ARL15: variants seen among roughly 807,000 people sequenced by gnomAD.
ARL15 encodes the protein ADP-ribosylation factor-like protein 15.
Under a neutral mutation model 25.2 loss-of-function variants are expected in ARL15, and 19 were observed. The ratio of observed to expected loss-of-function variants is 0.75; its 90% CI spans 0.53 to 1.10. The LOEUF is 1.10. Among genes scored for constraint, ARL15 ranks in the 50% least tolerant of loss-of-function variants. ARL15 has a pLI of 0.00. For synonymous variants in ARL15, 94 were observed against 86.8 expected (o/e 1.08, Z -0.46); for missense variants, 220 against 246.0 (o/e 0.89, Z 0.71).
intron 4 of ARL15, among the ~76,000 whole-genome samples, chr5:54,000,827 T>G (rs1222902979): frequency 2.0e-5 from 3 of 152,166 alleles, no homozygotes; most frequent in Non-Finnish European, 4.4e-5. Context: ...AAAAAAGGTT[T>G]AGTGCTGACA....
At chr5:54,057,812 C>T (rs1317120681) in intron 4 of ARL15, among the ~76,000 whole-genome samples, 5 of 152,004 alleles carry the variant, frequency 3.3e-5, no homozygotes, top group Admixed American at 6.5e-5. Flanking sequence ...TTGCACCTCT[C>T]GACTTCACTC....
chr5:54,183,202 G>A (rs1239501937), intron 1 of ARL15, among the ~76,000 whole-genome samples: 3 of 84,062 alleles, frequency 3.6e-5, no homozygotes, highest in Non-Finnish European at 5.0e-5. Context: ...TAGGAGCGGT[G>A]AGAGAGGGTA....
chr5:53,972,681 C>CTTA (rs1472708277), intron 4 of ARL15, among the ~76,000 whole-genome samples: 1 of 151,970 alleles, frequency 6.6e-6, no homozygotes, highest in East Asian at 1.9e-4. Flanking sequence ...AAATCACTGT[C>CTTA]TTATTATTAT....
At chr5:54,205,335 G>A (rs745664125) in intron 1 of ARL15, among the ~76,000 whole-genome samples, 2 of 152,128 alleles carry the variant, frequency 1.3e-5, no homozygotes, top group Non-Finnish European at 2.9e-5. Flanking sequence ...CAAGATCTGG[G>A]ATTTGAACAC....
At chr5:53,899,095 C>T (rs1444606279) in intron 4 of ARL15, among the ~76,000 whole-genome samples, 1 of 151,710 alleles carries the variant, frequency 6.6e-6, no homozygotes, top group Non-Finnish European at 1.5e-5. Context: ...ACCAGTAATC[C>T]CAGCACTTTG....
intron 4 of ARL15, among the ~76,000 whole-genome samples, chr5:53,906,813 T>C (rs1022216288): frequency 5.3e-5 from 8 of 152,332 alleles, no homozygotes; most frequent in African/African-American, 1.7e-4. Context: ...TATTCCTATA[T>C]CTGCACAAAG....
intron 1 of ARL15, among the ~76,000 whole-genome samples, chr5:54,223,971 C>G (rs1467194756): frequency 6.6e-6 from 1 of 152,002 alleles, no homozygotes; most frequent in Non-Finnish European, 1.5e-5. Flanking sequence ...GCAAAAAGTA[C>G]GCATCAGTAC....
intron 3 of ARL15, among the ~76,000 whole-genome samples, chr5:54,127,269 G>C (rs972712084): frequency 6.6e-6 from 1 of 152,216 alleles, no homozygotes; most frequent in East Asian, 1.9e-4. Flanking sequence ...TTGGTTCCAA[G>C]TCTTTGCTAT....
At chr5:54,042,234 G>T (rs1479856159) in intron 4 of ARL15, among the ~76,000 whole-genome samples, 2 of 152,140 alleles carry the variant, frequency 1.3e-5, no homozygotes, top group Non-Finnish European at 2.9e-5. Context: ...CTCCCAAAGT[G>T]CTGGGATTAC....
chr5:54,288,434 C>T (rs1362257703), intron 1 of ARL15, among the ~76,000 whole-genome samples: 1 of 152,162 alleles, frequency 6.6e-6, no homozygotes, highest in Non-Finnish European at 1.5e-5. Context: ...GCAGAAGCTT[C>T]TTGGGGCCCT....
chr5:54,029,321 C>CACCACCACT (rs1561194975), intron 4 of ARL15, among the ~76,000 whole-genome samples: 22 of 117,694 alleles, frequency 1.9e-4, no homozygotes, highest in Non-Finnish European at 3.5e-4. Context: ...CCACCACCAC[C>CACCACCACT]ACCACCACCA....
At chr5:53,902,881 T>G (rs1745117691) in intron 4 of ARL15, among the ~76,000 whole-genome samples, 1 of 151,996 alleles carries the variant, frequency 6.6e-6, no homozygotes, top group Non-Finnish European at 1.5e-5. Context: ...GGCAGGGAGC[T>G]GAGGCAGAAA....
At position 54,124,772 on chromosome 5, in the gene ARL15, A is replaced by G. The variant is rs1465310668; in HGVS notation, c.254-11362T>C. 2.0e-5 allele frequency among the ~76,000 whole-genome samples: 3 copies of G among 152,210 alleles called. No homozygotes were observed. The East Asian group carries it at 5.8e-4, about 29-fold the overall frequency. On this transcript the variant is annotated intron_variant, in intron 3 of 4. Transcript: ENST00000504924. ...ATAGGTGCTCAATGATTTTGGATTT[A>G]AAGAAGGTTAGGAAGAGCATAGTCA...
At chr5:54,185,769 G>A (rs2112443714) in intron 1 of ARL15, among the ~76,000 whole-genome samples, 1 of 152,286 alleles carries the variant, frequency 6.6e-6, no homozygotes, top group South Asian at 2.1e-4. Flanking sequence ...CATCATGAGT[G>A]CTAATATTAG....
chr5:54,034,136 G>T, intron 4 of ARL15, among the ~76,000 whole-genome samples: 1 of 152,148 alleles, frequency 6.6e-6, no homozygotes, highest in East Asian at 1.9e-4. Flanking sequence ...AGGTTGTCTT[G>T]TCATTATTCC....
intron 4 of ARL15, among the ~76,000 whole-genome samples, chr5:53,977,295 G>A (rs1218637763): frequency 2.0e-5 from 3 of 150,326 alleles, no homozygotes; most frequent in Non-Finnish European, 4.4e-5. Context: ...GGCGGAGCTT[G>A]CGTGAGCCGA....
intron 4 of ARL15, among the ~76,000 whole-genome samples, chr5:53,936,203 A>G (rs1746344663): frequency 1.3e-5 from 2 of 152,244 alleles, no homozygotes; most frequent in African/African-American, 4.8e-5. Flanking sequence ...CATAATGATG[A>G]TAAATAAGCA....
intron 4 of ARL15, among the ~76,000 whole-genome samples, chr5:54,097,307 CTCCATCTCAAA>C (rs1356171330): frequency 2.7e-4 from 1 of 3,746 alleles, no homozygotes; most frequent in Admixed American, 5.1e-3. Flanking sequence ...CAGAGTGAGA[CTCCATCTCAAA>C]AAACAAACAA....
chr5:54,149,489 G>A (rs1012007252), intron 3 of ARL15, among the ~76,000 whole-genome samples: 9 of 151,974 alleles, frequency 5.9e-5, no homozygotes, highest in East Asian at 3.8e-4. Flanking sequence ...ATTGAGAGGC[G>A]GCAAAGTGAG....
Sources: gnomAD v4.1 joint callset for allele counts (sites outside exome capture counted in the v4.1 genomes callset) on GRCh38, gnomAD v4.1.1 for gene constraint, MANE v1.5 for transcripts, NCBI Gene and HGNC (gene_info 2026-07-23, HGNC 2026-07-21) for gene names.